TNS2: variants seen among roughly 807,000 people sequenced by gnomAD.
The protein encoded by TNS2 is tensin-2.
In TNS2, 77 loss-of-function variants were observed where a neutral mutation model predicts 155.7. That is an observed-to-expected ratio of 0.49 (90% CI 0.41 to 0.60). TNS2 has a LOEUF of 0.60. Ranked by LOEUF, TNS2 falls within the 20% of genes least tolerant of loss-of-function variation. The pLI is 0.00. For missense variants in TNS2, 1,703 were observed against 1,868.8 expected (o/e 0.91, Z 1.64); for synonymous variants, 726 against 763.9 (o/e 0.95, Z 0.82).
upstream of TNS2, chr12:53,049,285 G>A (rs1169698441): frequency 6.4e-7 from 1 of 1,570,824 alleles, no homozygotes. Context: ...CGGGGGGAGG[G>A]TGCAGCCCTT....
rs752184960 is a variant in TNS2 at position 53,063,349 on chromosome 12, G to A, written c.3993G>A (p.Lys1331=). ...QGITLTDNQR[K]LFFRRHYPVN... is the part of the protein sequence containing the mutation. Reference sequence around the variant, plus strand: ...ACCTTCCTCACCCTCCTCCTTGCAGGCTCTTCTTTCGCCGCCATTATCCAG... The same window carrying A: ...ACCTTCCTCACCCTCCTCCTTGCAGACTCTTCTTTCGCCGCCATTATCCAG... Residue 1331 remains lysine (K), a splice_region_variant and synonymous_variant, in exon 27 of 29, where the codon AAG becomes AAA. Coordinates refer to ENST00000314250, the MANE Select transcript of TNS2 (RefSeq NM_170754.4). This position sits in a 1 kb window ranked among gnomAD's most constrained non-coding sequence, Gnocchi z 5.6. The A allele has an allele frequency of 1.2e-6, 2 of 1,613,982 alleles. No individual in the cohort carries two copies. The highest frequency in any genetic ancestry group is 1.7e-6 in the Non-Finnish European group (2 of 1,179,958).
At chr12:53,051,732 G>A (rs1943939982) in intron 1 of TNS2, 123 bp from the exon 2 acceptor site, 3 of 744,368 alleles carry the variant, frequency 4.0e-6, no homozygotes, top group Admixed American at 2.6e-5. Flanking sequence ...CGTCCTACAA[G>A]TTTGAGGGCT....
chr12:53,063,061 C>T lies in TNS2; in HGVS notation c.3824-28C>T. Reference sequence around the variant, plus strand: ...GGGGTGGCTAGGGGATGGGCACTCCCTCCCTGACCCACTCCCTGCCCCTGT... The same window carrying T: ...GGGGTGGCTAGGGGATGGGCACTCCTTCCCTGACCCACTCCCTGCCCCTGT... On this transcript the variant is annotated intron_variant, in intron 25 of 28. Transcript: ENST00000314250. This position sits in a 1 kb window ranked among gnomAD's most constrained non-coding sequence, Gnocchi z 5.6. 1.3e-6 allele frequency: 2 copies of T among 1,513,350 alleles called. No homozygotes were observed. Among genetic ancestry groups the T allele is most frequent in the Non-Finnish European group, 1.8e-6 (2 of 1,134,188 alleles). 93.7% of individuals were successfully genotyped at this position (1,513,350 alleles called of 1,614,324 possible).
At chr12:53,047,364 C>T (rs892858885), upstream of TNS2, among the ~76,000 whole-genome samples, 9 of 145,828 alleles carry the variant, frequency 6.2e-5, no homozygotes, top group African/African-American at 2.0e-4. Context: ...CGGCCGGGCG[C>T]CCCCCGCAGG....
chr12:53,048,880 C>G, upstream of TNS2: 2 of 309,672 alleles, frequency 6.5e-6, no homozygotes, highest in Non-Finnish European at 1.2e-5. Flanking sequence ...TGGGAGAAGC[C>G]AGGGCTGGGG....
chr12:53,053,224 G>T, intron 3 of TNS2, 187 bp from the exon 4 acceptor site: 1 of 662,734 alleles, frequency 1.5e-6, no homozygotes, highest in Non-Finnish European at 2.7e-6. Context: ...ACAAGTGGGG[G>T]GCCTGGGGGG....
At chr12:53,049,691 G>T (rs566853657), upstream of TNS2, among the ~76,000 whole-genome samples, 28 of 152,266 alleles carry the variant, frequency 1.8e-4, no homozygotes, top group South Asian at 5.6e-3. Flanking sequence ...CCTCCCCAGC[G>T]GAAGTCCCTC....
rs373588998 is a variant in TNS2 at position 53,059,964 on chromosome 12, G to A, written c.2323G>A (p.Glu775Lys). 14 of 1,612,754 alleles carry A rather than the reference G, an allele frequency of 8.7e-6. No individual in the cohort carries two copies. Among genetic ancestry groups the A allele is most frequent in the South Asian group, 4.4e-5 (4 of 91,032 alleles). The stretch of plus-strand genomic sequence containing the variant: ...GGGCTGCTCCTACACCATGTGCCCC[G>A]AAGGCAGGTATGGGCATCCAGGGTA... ...HEGCSYTMCP[E>K]GRYGHPGYPA... Residue 775 changes from glutamate to lysine, a missense_variant, in exon 18 of 29, where the codon GAA becomes AAA. Coordinates refer to ENST00000314250, the MANE Select transcript of TNS2 (RefSeq NM_170754.4). The surrounding 1 kb of genome is among the most constrained non-coding windows in gnomAD (Gnocchi z 4.7).
intron 21 of TNS2, 134 bp from the exon 22 acceptor site, chr12:53,061,681 C>G: frequency 6.8e-7 from 1 of 1,480,916 alleles, no homozygotes; most frequent in Non-Finnish European, 9.1e-7. Flanking sequence ...GAGCCCTGGC[C>G]TCAGACTCTT....
chr12:53,054,524 C>T (rs1441663409), intron 7 of TNS2, 83 bp downstream of exon 7: 2 of 932,952 alleles, frequency 2.1e-6, no homozygotes, highest in East Asian at 8.0e-5. Context: ...ACGTCACCAG[C>T]GGAGGCGAGG....
rs1322269048 is a variant in TNS2 at position 53,051,067 on chromosome 12, G to C, written c.76-788G>C. ...GGACTGAGATAGGCCTGGGCCATAA[G>C]GGGGCATCCCAGGCTCCTGCCTCAC... On this transcript the variant is annotated intron_variant, in intron 1 of 28. Coordinates refer to ENST00000314250, the MANE Select transcript of TNS2 (RefSeq NM_170754.4). Among the ~76,000 whole-genome samples the C allele has an allele frequency of 3.3e-5, 5 of 152,326 alleles. No homozygotes were observed. The East Asian group carries it at 9.6e-4, about 29-fold the overall frequency.
intron 7 of TNS2, 54 bp from the exon 8 acceptor site, chr12:53,055,132 C>T (rs892698339): frequency 4.4e-6 from 7 of 1,587,118 alleles, no homozygotes; most frequent in Non-Finnish European, 2.6e-6. Flanking sequence ...ACCTCCACCT[C>T]GTGCCTCATT....
Position 53,060,356 on chromosome 12 carries a change from A to G in TNS2, c.2618-49A>G, listed in dbSNP as rs199917714. On this transcript the variant is annotated intron_variant, in intron 18 of 28. Coordinates refer to ENST00000314250, the MANE Select transcript of TNS2 (RefSeq NM_170754.4). The surrounding 1 kb of genome is among the most constrained non-coding windows in gnomAD (Gnocchi z 6.1). ...ACAGGGTGAGAAACAGCTAAGCCAG[A>G]CAGAAGAGCCCCATCCTGCTCACAG... is the stretch of plus-strand genomic sequence containing the variant. 2 of 1,590,516 alleles carry G rather than the reference A, an allele frequency of 1.3e-6. No homozygotes were observed. Among genetic ancestry groups the G allele is most frequent in the East Asian group, 2.3e-5 (1 of 44,422 alleles).
chr12:53,047,175 A>ACGGGCGCGGGCGCGGGCGCGGGCG (rs141050814), upstream of TNS2: 4 of 143,822 alleles, frequency 2.8e-5, no homozygotes, highest in Non-Finnish European at 4.6e-5. Context: ...GCGGGCTGCC[A>ACGGGCGCGGGCGCGGGCGCGGGCG]CGGGCGCGGG....
rs1592257209 is a variant in TNS2, at chr12:53,061,013, C to T, written c.3107C>T (p.Pro1036Leu). Residue 1036 changes from proline to leucine, a missense_variant, in exon 20 of 29, where the codon CCT becomes CTT. Coordinates refer to ENST00000314250, the MANE Select transcript of TNS2 (RefSeq NM_170754.4). ...SPDGSPLTPVPSQMPWLVASP... is the reference protein window; with the variant it reads ...SPDGSPLTPVLSQMPWLVASP... ...GATGGGTCTCCCCTCACTCCTGTGC[C>T]TTCCCAGATGCCCTGGCTTGTGGCC... 1 of 1,613,694 alleles carries T rather than the reference C, an allele frequency of 6.2e-7. No homozygotes were observed.
chr12:53,059,507 C>T lies in TNS2; in HGVS notation c.1866C>T (p.Ala622=). The stretch of plus-strand genomic sequence containing the variant: ...GAACCCTGGAGAGGAGGCGACTGGC[C>T]TACGGGGGCTATGAGGGATCCCCCC... ...PEGTLERRRL[A]YGGYEGSPQG... is the part of the protein sequence containing the mutation. Residue 622 remains alanine (A), a synonymous_variant, in exon 18 of 29, where the codon GCC becomes GCT. Transcript: ENST00000314250. This position sits in a 1 kb window ranked among gnomAD's most constrained non-coding sequence, Gnocchi z 4.7. 5 of 1,577,448 alleles carry T rather than the reference C, an allele frequency of 3.2e-6. No individual in the cohort carries two copies. The highest frequency in any genetic ancestry group is 4.3e-6 in the Non-Finnish European group (5 of 1,164,742).
In TNS2 at chr12:53,063,918, GC is replaced by G. The variant is rs750524521; in HGVS notation, c.*42del. On this transcript the variant is annotated 3_prime_UTR_variant, in exon 29 of 29. Coordinates refer to ENST00000314250, the MANE Select transcript of TNS2 (RefSeq NM_170754.4). This position sits in a 1 kb window ranked among gnomAD's most constrained non-coding sequence, Gnocchi z 5.6. ...CAAGCTCAGAGCCCACATCAACACT[GC>G]CCCCCTCCCAGCACCCCACAGCCCT... 2 of 1,607,506 alleles carry G rather than the reference GC, an allele frequency of 1.2e-6. No individual in the cohort carries two copies. The highest frequency in any genetic ancestry group is 1.7e-5 in the Admixed American group (1 of 59,718).
chr12:53,052,562 G>A (rs1943977069), intron 3 of TNS2, 70 bp downstream of exon 3: 1 of 1,595,422 alleles, frequency 6.3e-7, no homozygotes, highest in Non-Finnish European at 8.6e-7. Context: ...ACAGGCTTCT[G>A]CAACCACACT....
At chr12:53,061,724 G>A in intron 21 of TNS2, 91 bp from the exon 22 acceptor site, 1 of 1,544,274 alleles carries the variant, frequency 6.5e-7, no homozygotes, top group Non-Finnish European at 8.7e-7. Flanking sequence ...CAGAGACCAT[G>A]GAGCTTGGCA....
Sources: gnomAD v4.1 joint callset for allele counts (sites outside exome capture counted in the v4.1 genomes callset) on GRCh38, gnomAD v4.1.1 for gene constraint, Gnocchi (gnomAD v3.1) non-coding constraint, MANE v1.5 for transcripts, NCBI Gene and HGNC (gene_info 2026-07-23, HGNC 2026-07-21) for gene names.